EPB41L4B: variants seen among roughly 807,000 people sequenced by gnomAD.
The protein encoded by EPB41L4B is erythrocyte membrane protein band 4.1 like 4B, also known as band 4.1-like protein 4B.
In EPB41L4B, 30 loss-of-function variants were observed where a neutral mutation model predicts 112.5. The ratio of observed to expected loss-of-function variants is 0.27; its 90% CI spans 0.20 to 0.36. The LOEUF is 0.36. Among genes scored for constraint, EPB41L4B ranks in the 10% least tolerant of loss-of-function variants. The pLI is 1.00. For missense variants in EPB41L4B, 1,024 were observed against 1,133.3 expected (o/e 0.90, Z 1.38); for synonymous variants, 408 against 439.7 (o/e 0.93, Z 0.90).
chr9:109,204,446 A>G (rs1395984271), intron 18 of EPB41L4B, among the ~76,000 whole-genome samples: 2 of 152,236 alleles, frequency 1.3e-5, no homozygotes, highest in Non-Finnish European at 2.9e-5. Context: ...TTGCCCACAT[A>G]TAGATCCAGT....
intron 16 of EPB41L4B, among the ~76,000 whole-genome samples, chr9:109,214,687 G>A (rs1228168183): frequency 6.6e-6 from 1 of 152,208 alleles, no homozygotes; most frequent in Non-Finnish European, 1.5e-5. Flanking sequence ...AGAGTATTTT[G>A]TAAGAAGAGA....
chr9:109,307,725 C>A (rs569414373), intron 1 of EPB41L4B, among the ~76,000 whole-genome samples: 2 of 152,120 alleles, frequency 1.3e-5, no homozygotes. Context: ...TACAGTCTAC[C>A]GGCCTTCCCT....
chr9:109,219,931 G>T (rs1247340743), intron 15 of EPB41L4B, among the ~76,000 whole-genome samples: 1 of 152,086 alleles, frequency 6.6e-6, no homozygotes, highest in Non-Finnish European at 1.5e-5. Context: ...CAGAGAAGTA[G>T]TCCCTGTGAG....
intron 19 of EPB41L4B, among the ~76,000 whole-genome samples, chr9:109,203,332 G>A (rs1832895754): frequency 6.6e-6 from 1 of 152,142 alleles, no homozygotes; most frequent in South Asian, 2.1e-4. Flanking sequence ...CTGTTAAGGA[G>A]TTGGGATTCC....
chr9:109,285,226 T>C (rs914409181), intron 1 of EPB41L4B, among the ~76,000 whole-genome samples: 1 of 152,220 alleles, frequency 6.6e-6, no homozygotes, highest in Non-Finnish European at 1.5e-5. Context: ...ACAGCTCTAC[T>C]TACGTAAAAT....
At chr9:109,305,445 C>A (rs2119237792) in intron 1 of EPB41L4B, among the ~76,000 whole-genome samples, 1 of 152,072 alleles carries the variant, frequency 6.6e-6, no homozygotes, top group Admixed American at 6.6e-5. Context: ...ATGGTGAAAC[C>A]CGGTCTCTAC....
intron 23 of EPB41L4B, among the ~76,000 whole-genome samples, chr9:109,184,046 C>T (rs1832166930): frequency 6.6e-6 from 1 of 152,196 alleles, no homozygotes; most frequent in Non-Finnish European, 1.5e-5. Context: ...CCAGAATAGG[C>T]CTGAAATTGC....
chr9:109,320,142 G>C lies in EPB41L4B; in HGVS notation c.305C>G (p.Pro102Arg), dbSNP rs926489461. Residue 102 changes from proline (P) to arginine (R), a missense_variant and splice_region_variant, in exon 1 of 26, where the codon CCG (proline) becomes CGG (arginine). Physicochemically the swap from Pro to Arg is moderately radical, Grantham distance 103. Transcript: ENST00000374566. Reference sequence around the variant, plus strand: ...CCCCAGACTGGCCCCGTCACTCACCGGCAGGTCCACGCTCACTTCGGTCCC... The same window carrying C: ...CCCCAGACTGGCCCCGTCACTCACCCGCAGGTCCACGCTCACTTCGGTCCC... ...LDGTEVSVDL[P>R]KHAKGQDLFD... 11 of 1,462,984 alleles carry C rather than the reference G, an allele frequency of 7.5e-6. No individual in the cohort carries two copies. Among genetic ancestry groups the C allele is most frequent in the Non-Finnish European group, 1.0e-5 (11 of 1,104,896 alleles). 90.6% of individuals were successfully genotyped at this position (1,462,984 alleles called of 1,614,324 possible).
chr9:109,305,582 C>T (rs1837154559), intron 1 of EPB41L4B, among the ~76,000 whole-genome samples: 1 of 152,112 alleles, frequency 6.6e-6, no homozygotes, highest in African/African-American at 2.4e-5. Flanking sequence ...TGCGCCACTG[C>T]ACTCCATCCT....
intron 1 of EPB41L4B, among the ~76,000 whole-genome samples, chr9:109,293,031 A>G (rs1351956722): frequency 1.3e-5 from 2 of 152,126 alleles, no homozygotes; most frequent in Non-Finnish European, 2.9e-5. Context: ...ACACGAGCCC[A>G]CCTTCCAACT....
At chr9:109,243,837 G>A (rs533344243) in intron 14 of EPB41L4B, among the ~76,000 whole-genome samples, 155 bp from the exon 15 acceptor site, 4 of 152,308 alleles carry the variant, frequency 2.6e-5, no homozygotes, top group African/African-American at 7.2e-5. Flanking sequence ...TTCCCAGGAC[G>A]ATCACGTTTC....
intron 15 of EPB41L4B, 44 bp downstream of exon 15, chr9:109,243,574 A>C (rs1314384596): frequency 6.3e-7 from 1 of 1,592,100 alleles, no homozygotes; most frequent in Non-Finnish European, 8.6e-7. Context: ...TTCTAGAGAA[A>C]GGAAAGCTTT....
At chr9:109,175,108 G>T (rs964655289) in intron 25 of EPB41L4B, among the ~76,000 whole-genome samples, 3 of 151,542 alleles carry the variant, frequency 2.0e-5, no homozygotes, top group Non-Finnish European at 2.9e-5. Context: ...GTAGAGACGG[G>T]GTTTCACCGT....
intron 11 of EPB41L4B, among the ~76,000 whole-genome samples, chr9:109,255,055 T>C (rs1834928181): frequency 6.6e-6 from 1 of 152,166 alleles, no homozygotes; most frequent in Non-Finnish European, 1.5e-5. Context: ...CAACCTACCT[T>C]ATTAAGGGTG....
At chr9:109,240,605 C>T in intron 15 of EPB41L4B, 1 of 985,376 alleles carries the variant, frequency 1.0e-6, no homozygotes, top group Non-Finnish European at 1.2e-6. Context: ...TATTTTGGTA[C>T]AAGCTTTAAC....
chr9:109,222,963 A>T (rs1029090364), intron 15 of EPB41L4B, among the ~76,000 whole-genome samples: 2 of 151,850 alleles, frequency 1.3e-5, no homozygotes, highest in Non-Finnish European at 2.9e-5. Flanking sequence ...TTGGCCTCCA[A>T]CTCCAGAAAA....
intron 15 of EPB41L4B, among the ~76,000 whole-genome samples, chr9:109,223,557 C>G (rs749935494): frequency 6.6e-6 from 1 of 152,146 alleles, no homozygotes; most frequent in Non-Finnish European, 1.5e-5. Flanking sequence ...ATCAATGCCC[C>G]AAAAAGCCAA....
intron 3 of EPB41L4B, 129 bp from the exon 4 acceptor site, chr9:109,267,680 G>A (rs898611004): frequency 4.5e-5 from 28 of 615,880 alleles, no homozygotes; most frequent in Non-Finnish European, 6.1e-5. Flanking sequence ...AACTGGGCAC[G>A]CGACACTAGC....
At chr9:109,253,381 G>C (rs953380522) in intron 12 of EPB41L4B, 60 bp downstream of exon 12, 2 of 1,212,980 alleles carry the variant, frequency 1.6e-6, no homozygotes, top group South Asian at 1.3e-5. Flanking sequence ...CAAGCTCCTC[G>C]AGGGCTTAAA....
Sources: gnomAD v4.1 joint callset for allele counts (sites outside exome capture counted in the v4.1 genomes callset) on GRCh38, gnomAD v4.1.1 for gene constraint, MANE v1.5 for transcripts, NCBI Gene and HGNC (gene_info 2026-07-23, HGNC 2026-07-21) for gene names.